The following PEX6 variants were observed in gnomAD, a reference collection of about 807,000 sequenced individuals.
The protein encoded by PEX6 is peroxisome biogenesis factor 6.
PEX6 carries 55 observed loss-of-function variants against 85.6 expected under a neutral mutation model. The observed-to-expected ratio is 0.64, with a 90% confidence interval of 0.52 to 0.80. The LOEUF (loss-of-function observed/expected upper bound fraction) is 0.80. Ranked by LOEUF, PEX6 falls within the 30% of genes least tolerant of loss-of-function variation. PEX6 has a pLI of 0.00. For missense variants in PEX6, 1,099 were observed against 1,260.3 expected (o/e 0.87, Z 1.94); for synonymous variants, 519 against 549.1 (o/e 0.95, Z 0.77).
chr6:42,978,522 C>A lies in PEX6; in HGVS notation c.629G>T (p.Ser210Ile). Reference sequence around the variant, plus strand: ...GAAGAGGCCAAGGCCACGGAGACAGCTCCGGCTCACCCCTAGTGAATCTCC... The same window carrying A: ...GAAGAGGCCAAGGCCACGGAGACAGATCCGGCTCACCCCTAGTGAATCTCC... Reference protein sequence around the residue: ...GTGDSLGVSRSCLRGLGLFQG... With the variant: ...GTGDSLGVSRICLRGLGLFQG... The change falls in exon 1 of 17, where the codon AGC (serine) becomes ATC (isoleucine). Residue 210 changes from serine (S) to isoleucine (I), a missense_variant. Around this residue, in one of 3 missense-constraint regions of PEX6, gnomAD observed 579 missense variants for 611.6 expected, o/e 0.95. Transcript: ENST00000304611. The A allele has an allele frequency of 6.2e-7, 1 of 1,614,090 alleles. No individual in the cohort carries two copies. Among genetic ancestry groups the A allele is most frequent in the Non-Finnish European group, 8.5e-7 (1 of 1,180,022 alleles).
chr6:42,965,038 C>G lies in PEX6; in HGVS notation c.2666+37G>C, dbSNP rs374227284. 16 of 1,612,500 alleles carry G rather than the reference C, an allele frequency of 9.9e-6. No homozygotes were observed. The highest frequency in any genetic ancestry group is 1.0e-5 in the Non-Finnish European group (12 of 1,178,574). ...CATGCATCCCCTAAGCATCCCAAGG[C>G]CCAAGCCCTTCGCAGTCTTCCTCTA... On this transcript the variant is annotated intron_variant, in intron 15 of 16. Coordinates refer to ENST00000304611, the MANE Select transcript of PEX6 (RefSeq NM_000287.4). This position sits in a 1 kb window ranked among gnomAD's most constrained non-coding sequence, Gnocchi z 5.0.
chr6:42,977,841 GCT>G (rs1491321475), intron 1 of PEX6, among the ~76,000 whole-genome samples: 1 of 119,010 alleles, frequency 8.4e-6, no homozygotes, highest in South Asian at 2.6e-4. Flanking sequence ...GAAACATTAT[GCT>G]TTTTTTTTTT....
intron 5 of PEX6, among the ~76,000 whole-genome samples, chr6:42,969,293 C>G (rs1341185681): frequency 6.6e-6 from 1 of 152,190 alleles, no homozygotes; most frequent in African/African-American, 2.4e-5. Flanking sequence ...ATTGTGGTGG[C>G]ACTGAGGTGG....
At chr6:42,967,033 C>T (rs548526662) in intron 8 of PEX6, among the ~76,000 whole-genome samples, 175 bp from the exon 9 acceptor site, 2 of 141,540 alleles carry the variant, frequency 1.4e-5, no homozygotes, top group Non-Finnish European at 3.0e-5. Context: ...AGTGCAATGG[C>T]GCGATCTCGG....
In PEX6 at chr6:42,978,646, CTG is replaced by C; in HGVS notation, c.503_504del (p.Pro168ArgfsTer73). ...GGGGGCCGACTGCTGTCCCCAGACT[CTG>C]GACACAGTCTGGCCCGCCCGCGGAG... ...TELRGRARLC[P>X]ESGDSSRPPP... On this transcript the variant is annotated frameshift_variant, in exon 1 of 17. Coordinates refer to ENST00000304611, the MANE Select transcript of PEX6 (RefSeq NM_000287.4). LOFTEE classifies it high-confidence loss of function. The C allele has an allele frequency of 6.3e-7, 1 of 1,579,550 alleles. No homozygotes were observed.
chr6:42,975,547 C>G (rs1264647790), intron 1 of PEX6, among the ~76,000 whole-genome samples: 1 of 152,170 alleles, frequency 6.6e-6, no homozygotes, highest in Non-Finnish European at 1.5e-5. Context: ...ACATGTATCT[C>G]TACCTGACAT....
Position 42,965,376 on chromosome 6 carries a change from G to T in PEX6, c.2472-8C>A. The T allele has an allele frequency of 6.2e-7, 1 of 1,602,912 alleles. No individual in the cohort carries two copies. The highest frequency in any genetic ancestry group is 8.5e-7 in the Non-Finnish European group (1 of 1,170,296). On this transcript the variant is annotated splice_polypyrimidine_tract_variant and splice_region_variant and intron_variant, in intron 13 of 16. Coordinates refer to ENST00000304611, the MANE Select transcript of PEX6 (RefSeq NM_000287.4). The surrounding 1 kb of genome is among the most constrained non-coding windows in gnomAD (Gnocchi z 5.0). Reference sequence around the variant, plus strand: ...AGGAGCTGAGACACCACCCTGGAGAGAAGGGAGCAAGGGCAAGAGTCCTTG... The same window carrying T: ...AGGAGCTGAGACACCACCCTGGAGATAAGGGAGCAAGGGCAAGAGTCCTTG...
chr6:42,967,863 G>A (rs932088947), intron 7 of PEX6, among the ~76,000 whole-genome samples: 14 of 152,060 alleles, frequency 9.2e-5, no homozygotes, highest in African/African-American at 2.9e-4. Flanking sequence ...CAAATGGATG[G>A]GAGATGACTG....
intron 6 of PEX6, 44 bp downstream of exon 6, chr6:42,968,830 G>A (rs1304829836): frequency 2.9e-5 from 40 of 1,362,112 alleles, no homozygotes; most frequent in Non-Finnish European, 4.0e-5. Context: ...AACATGAGCT[G>A]GGGAGGGGAA....
chr6:42,964,713 T>A lies in PEX6; in HGVS notation c.2806+77A>T, dbSNP rs187829117. On this transcript the variant is annotated intron_variant, in intron 16 of 16. Coordinates refer to ENST00000304611, the MANE Select transcript of PEX6 (RefSeq NM_000287.4). This position sits in a 1 kb window ranked among gnomAD's most constrained non-coding sequence, Gnocchi z 4.6. ...CAAGCGATCCTCCCACCTCAGCCTC[T>A]CAAGTAGCTGGGACTCAGGTGCACC... 1,241 of 1,583,674 alleles carry A rather than the reference T, an allele frequency of 7.8e-4. 10 individuals carry two copies. In the African/African-American group the frequency reaches 0.015, roughly 19 times the overall value.
chr6:42,976,794 A>G (rs1324180527), intron 1 of PEX6, among the ~76,000 whole-genome samples: 2 of 152,190 alleles, frequency 1.3e-5, no homozygotes, highest in East Asian at 1.9e-4. Context: ...TTCTTCTTGA[A>G]GTAAAGGCAG....
intron 1 of PEX6, among the ~76,000 whole-genome samples, chr6:42,976,973 T>C (rs529122520): frequency 1.3e-5 from 2 of 152,222 alleles, no homozygotes; most frequent in South Asian, 2.1e-4. Flanking sequence ...ATAAAAAAGA[T>C]AGAAAATGCT....
At position 42,964,643 on chromosome 6, in the gene PEX6, TG is replaced by T; in HGVS notation, c.2806+146del. The T allele has an allele frequency of 7.8e-7, 1 of 1,277,362 alleles. No individual in the cohort carries two copies. Among genetic ancestry groups the T allele is most frequent in the African/African-American group, 1.5e-5 (1 of 67,880 alleles). The allele number at this position is 1,277,362 out of a possible 1,614,324, so 79.1% of individuals were successfully genotyped here. ...TTCCCTTAAACATTTTTTTTAGAGT[TG>T]GGGTCTCTCTGTGTTGCCCAGGCTG... On this transcript the variant is annotated intron_variant, in intron 16 of 16. Transcript: ENST00000304611. This position sits in a 1 kb window ranked among gnomAD's most constrained non-coding sequence, Gnocchi z 4.6.
chr6:42,975,080 G>T, intron 1 of PEX6, 42 bp from the exon 2 acceptor site: 1 of 1,532,214 alleles, frequency 6.5e-7, no homozygotes, highest in East Asian at 2.2e-5. Context: ...TTCTCCTAAG[G>T]GGGCAGGCTC....
Position 42,965,438 on chromosome 6 carries a change from T to A in PEX6, c.2472-70A>T, listed in dbSNP as rs2114237909. On this transcript the variant is annotated intron_variant, in intron 13 of 16. Transcript: ENST00000304611. This position sits in a 1 kb window ranked among gnomAD's most constrained non-coding sequence, Gnocchi z 5.0. ...AGACTCTGCCCCTGCCTGTGGTACC[T>A]CTCTTTACAGGCAGTCTCAACAGGG... 2 of 1,197,086 alleles carry A rather than the reference T, an allele frequency of 1.7e-6. No individual in the cohort carries two copies. The highest frequency in any genetic ancestry group is 3.4e-5 in the Admixed American group (2 of 59,506). 74.2% of individuals were successfully genotyped at this position (1,197,086 alleles called of 1,614,324 possible). A position where few individuals can be genotyped will look rare whatever the true frequency, so the allele number is the denominator to read the frequency against.
At position 42,964,362 on chromosome 6, in the gene PEX6, G is replaced by A. The variant is rs1769639446; in HGVS notation, c.2916C>T (p.Arg972=). 6.2e-7 allele frequency: 1 copy of A among 1,613,748 alleles called. No individual in the cohort carries two copies. The highest frequency in any genetic ancestry group is 1.3e-5 in the African/African-American group (1 of 74,950). The part of the protein sequence containing the change: ...VSEQELLRYK[R]IQRKFAAC ...AGCAGGCAGCAAACTTGCGCTGGAT[G>A]CGCTTGTACCGGAGCAGCTCCTGCT... The change falls in exon 17 of 17, where the codon CGC becomes CGT. Residue 972 remains arginine (R), a synonymous_variant. Transcript: ENST00000304611. This position sits in a 1 kb window ranked among gnomAD's most constrained non-coding sequence, Gnocchi z 4.6.
In PEX6 at chr6:42,967,429, A is replaced by C; in HGVS notation, c.1823T>G (p.Leu608Arg). The C allele has an allele frequency of 6.2e-7, 1 of 1,613,168 alleles. No homozygotes were observed. Among genetic ancestry groups the C allele is most frequent in the Non-Finnish European group, 8.5e-7 (1 of 1,179,810 alleles). Residue 608 changes from leucine to arginine, a missense_variant, in exon 8 of 17, where the codon CTC (leucine) becomes CGC (arginine). Around this residue, in one of 3 missense-constraint regions of PEX6, gnomAD observed 514 missense variants for 627.0 expected, o/e 0.82. Coordinates refer to ENST00000304611, the MANE Select transcript of PEX6 (RefSeq NM_000287.4). ...EGQRLSILRA[L>R]TAHLPLGQEV... ...CTGGCCCAGGGGAAGGTGGGCAGTG[A>C]GGGCCCGCAGGATGCTGAGCCGCTG...
rs1372206461 is a variant in PEX6, at chr6:42,979,121, C to A, written c.30G>T (p.Glu10Asp). 3 of 1,574,032 alleles carry A rather than the reference C, an allele frequency of 1.9e-6. No homozygotes were observed. Among genetic ancestry groups the A allele is most frequent in the Admixed American group, 1.8e-5 (1 of 56,616 alleles). Residue 10 changes from glutamate (E) to aspartate (D), a missense_variant, in exon 1 of 17, where the codon GAG (glutamate) becomes GAT (aspartate). By Grantham distance (45) the Glu-to-Asp change is conservative. Transcript: ENST00000304611. ...ACGGGGGTGTCTCGGTCGGAAAGGG[C>A]TCCAGGACCCGCAAGACAGCCAGCG... MALAVLRVL[E>D]PFPTETPPLA...
At position 42,963,924 on chromosome 6, in the gene PEX6, G is replaced by GGGGGGGCCCC; in HGVS notation, c.*410_*411insGGGGCCCCCC. On this transcript the variant is annotated 3_prime_UTR_variant, in exon 17 of 17. Coordinates refer to ENST00000304611, the MANE Select transcript of PEX6 (RefSeq NM_000287.4). ...GTCAGAAGGATCAGGCTCCCATGCTGCCCACCCCCCCACCCTCTCCCAGGG... is the reference window on the plus strand; with the variant it reads ...GTCAGAAGGATCAGGCTCCCATGCTGGGGGGGCCCCCCCACCCCCCCACCCTCTCCCAGGG... 1.6e-6 allele frequency: 1 copy of GGGGGGGCCCC among 616,620 alleles called. No individual in the cohort carries two copies. Among genetic ancestry groups the GGGGGGGCCCC allele is most frequent in the Non-Finnish European group, 2.9e-6 (1 of 339,858 alleles). 38.2% of individuals were successfully genotyped at this position (616,620 alleles called of 1,614,324 possible).
Sources: gnomAD v4.1 joint callset for allele counts (sites outside exome capture counted in the v4.1 genomes callset) on GRCh38, gnomAD v4.1.1 for gene constraint, gnomAD v4.1.1 regional missense constraint, Gnocchi (gnomAD v3.1) non-coding constraint, MANE v1.5 for transcripts, NCBI Gene and HGNC (gene_info 2026-07-23, HGNC 2026-07-21) for gene names.